Variants in DOCK5 observed in about 807,000 individuals in gnomAD.
DOCK5 encodes dedicator of cytokinesis 5.
In DOCK5, 142 loss-of-function variants were observed where a neutral mutation model predicts 251.8. The observed-to-expected ratio is 0.56, with a 90% confidence interval of 0.49 to 0.65. The LOEUF (loss-of-function observed/expected upper bound fraction) is 0.65, where lower values mean the gene tolerates loss of function less well. Among genes scored for constraint, DOCK5 ranks in the 30% least tolerant of loss-of-function variants. The pLI is 0.00. For missense variants in DOCK5, 2,111 were observed against 2,312.3 expected (o/e 0.91, Z 1.79); for synonymous variants, 842 against 835.5 (o/e 1.01, Z -0.13).
At chr8:25,352,443 C>T (rs1314257508) in intron 27 of DOCK5, among the ~76,000 whole-genome samples, 1 of 152,118 alleles carries the variant, frequency 6.6e-6, no homozygotes, top group African/African-American at 2.4e-5. Context: ...CTCTTATTTT[C>T]TGTGCACTCT....
At chr8:25,241,017 G>T (rs1371984466) in intron 1 of DOCK5, among the ~76,000 whole-genome samples, 1 of 152,114 alleles carries the variant, frequency 6.6e-6, no homozygotes, top group African/African-American at 2.4e-5. Flanking sequence ...GTGTCTCTCA[G>T]CTCTCTCTCT....
At chr8:25,307,570 A>G (rs967396342) in intron 11 of DOCK5, among the ~76,000 whole-genome samples, 2 of 152,234 alleles carry the variant, frequency 1.3e-5, no homozygotes, top group Admixed American at 1.3e-4. Flanking sequence ...TTAAGATTAT[A>G]TGTACATAAT....
At chr8:25,256,183 A>G (rs1183169226) in intron 2 of DOCK5, among the ~76,000 whole-genome samples, 2 of 152,248 alleles carry the variant, frequency 1.3e-5, no homozygotes, top group African/African-American at 2.4e-5. Flanking sequence ...CATGCAACCA[A>G]GAATATTAGA....
Position 25,413,552 on chromosome 8 carries a change from A to G in DOCK5, c.*2254A>G, listed in dbSNP as rs1038671917. 3.3e-5 allele frequency: 5 copies of G among 152,056 alleles called. No homozygotes were observed. Among genetic ancestry groups the G allele is most frequent in the Non-Finnish European group, 5.9e-5 (4 of 68,020 alleles). 9.4% of individuals were successfully genotyped at this position (152,056 alleles called of 1,614,324 possible). A position where few individuals can be genotyped will look rare whatever the true frequency, so the allele number is the denominator to read the frequency against. Reference sequence around the variant, plus strand: ...CGGCTAGAGGGGATTTGTGTGCCACACTCTACTTGCCGGGCTGCCATTAAA... The same window carrying G: ...CGGCTAGAGGGGATTTGTGTGCCACGCTCTACTTGCCGGGCTGCCATTAAA... On this transcript the variant is annotated 3_prime_UTR_variant, in exon 52 of 52. Transcript: ENST00000276440.
At chr8:25,292,238 A>G (rs74481934) in intron 6 of DOCK5, 66 bp downstream of exon 6, 1 of 1,452,048 alleles carries the variant, frequency 6.9e-7, no homozygotes, top group Non-Finnish European at 9.1e-7. Flanking sequence ...CACGCTAATG[A>G]CACTGTTTGC....
At chr8:25,259,826 C>G (rs569383877) in intron 2 of DOCK5, among the ~76,000 whole-genome samples, 20 of 152,286 alleles carry the variant, frequency 1.3e-4, no homozygotes, top group African/African-American at 4.3e-4. Context: ...ATCTGGCTAT[C>G]TCAAATCCAC....
At chr8:25,405,416 A>G (rs1312468084) in intron 48 of DOCK5, among the ~76,000 whole-genome samples, 1 of 152,080 alleles carries the variant, frequency 6.6e-6, no homozygotes, top group Non-Finnish European at 1.5e-5. Context: ...CATTTAGTGA[A>G]CAAGTCATCT....
chr8:25,217,305 G>A (rs1484786261), intron 1 of DOCK5, among the ~76,000 whole-genome samples: 1 of 151,516 alleles, frequency 6.6e-6, no homozygotes, highest in Non-Finnish European at 1.5e-5. Context: ...TATCATATTA[G>A]TGGGAGATTT....
intron 1 of DOCK5, 50 bp downstream of exon 1, chr8:25,185,001 G>A: frequency 7.6e-7 from 1 of 1,309,542 alleles, no homozygotes; most frequent in East Asian, 3.0e-5. Context: ...GGCCAAGTTC[G>A]CGGACAGCGG....
rs1800745967 is a variant in DOCK5 at position 25,364,704 on chromosome 8, G to A, written c.3123G>A (p.Gln1041=). 6.3e-7 allele frequency: 1 copy of A among 1,586,152 alleles called. No individual in the cohort carries two copies. Among genetic ancestry groups the A allele is most frequent in the Admixed American group, 1.8e-5 (1 of 56,680 alleles). The part of the protein sequence containing the change: ...FFMDQASFEL[Q]LWNNYFHLAV... ...TGGATCAGGCAAGCTTTGAACTTCA[G>A]GTAGGCATGTGACTCACCTACCTGC... is the stretch of plus-strand genomic sequence containing the variant. Residue 1041 remains glutamine (Q), a splice_region_variant and synonymous_variant, in exon 30 of 52, where the codon CAG becomes CAA. Coordinates refer to ENST00000276440, the MANE Select transcript of DOCK5 (RefSeq NM_024940.8).
intron 47 of DOCK5, among the ~76,000 whole-genome samples, chr8:25,401,523 A>C (rs1801437777): frequency 6.6e-6 from 1 of 152,168 alleles, no homozygotes; most frequent in African/African-American, 2.4e-5. Context: ...ACTTGTGGTC[A>C]GGAGTTCGAG....
chr8:25,287,920 T>C (rs1390740603), intron 5 of DOCK5, among the ~76,000 whole-genome samples: 1 of 151,346 alleles, frequency 6.6e-6, no homozygotes, highest in Non-Finnish European at 1.5e-5. Context: ...AGTTTCTTTC[T>C]TGTCACCCAG....
chr8:25,392,558 C>A (rs1042376492), intron 43 of DOCK5, among the ~76,000 whole-genome samples: 3 of 152,164 alleles, frequency 2.0e-5, no homozygotes, highest in African/African-American at 7.2e-5. Context: ...CCTCTCTAGA[C>A]CTCACATTTC....
intron 1 of DOCK5, among the ~76,000 whole-genome samples, chr8:25,218,326 T>A (rs574567570): frequency 1.3e-5 from 2 of 152,298 alleles, no homozygotes; most frequent in African/African-American, 4.8e-5. Context: ...CAGGCTCTGA[T>A]TATCATAGGG....
chr8:25,267,579 G>C (rs1029376232), intron 2 of DOCK5, among the ~76,000 whole-genome samples: 6 of 152,196 alleles, frequency 3.9e-5, no homozygotes, highest in African/African-American at 1.4e-4. Context: ...TCTACTCACT[G>C]TGTATATATG....
intron 1 of DOCK5, among the ~76,000 whole-genome samples, chr8:25,231,435 G>A (rs954710230): frequency 6.6e-6 from 1 of 152,034 alleles, no homozygotes; most frequent in Non-Finnish European, 1.5e-5. Context: ...GCACTTCGTG[G>A]GAAGAAATGC....
intron 38 of DOCK5, among the ~76,000 whole-genome samples, chr8:25,377,901 T>C (rs552313118): frequency 7.2e-6 from 1 of 139,588 alleles, no homozygotes; most frequent in South Asian, 2.3e-4. Context: ...AGAGTTTTTA[T>C]TGGGGTTTCT....
chr8:25,353,115 A>G lies in DOCK5; in HGVS notation c.2850+1289A>G, dbSNP rs542978542. 4.1e-4 allele frequency among the ~76,000 whole-genome samples: 62 copies of G among 152,192 alleles called. 1 individual carries two copies. Among genetic ancestry groups the G allele is most frequent in the Non-Finnish European group, 4.1e-4 (28 of 68,002 alleles). On this transcript the variant is annotated intron_variant, in intron 27 of 51. Transcript: ENST00000276440. Reference sequence around the variant, plus strand: ...TGTCTTTCTGCTGGATTAAAACCCAATCTCTGAGCCGAGGAGTTCGAGACT... The same window carrying G: ...TGTCTTTCTGCTGGATTAAAACCCAGTCTCTGAGCCGAGGAGTTCGAGACT...
intron 18 of DOCK5, among the ~76,000 whole-genome samples, chr8:25,331,469 T>TTCTCCA (rs1282838607): frequency 5.3e-5 from 8 of 152,130 alleles, no homozygotes; most frequent in Non-Finnish European, 1.0e-4. Flanking sequence ...AGTTTCAAAA[T>TTCTCCA]TCTCCATTGT....
Sources: gnomAD v4.1 joint callset for allele counts (sites outside exome capture counted in the v4.1 genomes callset) on GRCh38, gnomAD v4.1.1 for gene constraint, MANE v1.5 for transcripts, NCBI Gene and HGNC (gene_info 2026-07-23, HGNC 2026-07-21) for gene names.